FHIT: variants seen among roughly 807,000 people sequenced by gnomAD.
The protein encoded by FHIT is bis(5'-adenosyl)-triphosphatase.
Under a neutral mutation model 17.9 loss-of-function variants are expected in FHIT, and 19 were observed. The ratio of observed to expected loss-of-function variants is 1.06; its 90% confidence interval spans 0.74 to 1.56. The LOEUF is 1.56. Ranked by LOEUF, FHIT falls within the 40% of genes most tolerant of loss-of-function variation. FHIT has a pLI of 0.00. For synonymous variants in FHIT, 81 were observed against 69.7 expected, an observed-to-expected ratio of 1.16 and a Z score of -0.81; for missense variants, 248 against 189.2, an observed-to-expected ratio of 1.31 and a Z score of -1.82.
intron 4 of FHIT, among the ~76,000 whole-genome samples, chr3:60,565,539 C>T (rs190106910): frequency 2.6e-5 from 4 of 151,846 alleles, no homozygotes; most frequent in Admixed American, 2.6e-4. Context: ...ATTTCATTTA[C>T]AAAAAAGGGA....
At chr3:60,607,502 T>A (rs2038644867) in intron 4 of FHIT, among the ~76,000 whole-genome samples, 1 of 151,900 alleles carries the variant, frequency 6.6e-6, no homozygotes, top group African/African-American at 2.4e-5. Flanking sequence ...TAATTGGTGG[T>A]TATTTTCAGA....
chr3:60,605,142 T>G (rs1194287006), intron 4 of FHIT, among the ~76,000 whole-genome samples: 1 of 152,128 alleles, frequency 6.6e-6, no homozygotes, highest in Non-Finnish European at 1.5e-5. Flanking sequence ...GCAGTTGATT[T>G]TCCCCAATAC....
intron 4 of FHIT, among the ~76,000 whole-genome samples, chr3:60,587,249 G>T (rs1228205561): frequency 2.0e-5 from 3 of 152,038 alleles, no homozygotes; most frequent in African/African-American, 7.2e-5. Context: ...ACTAACACAG[G>T]AACAGAAAAC....
intron 5 of FHIT, among the ~76,000 whole-genome samples, chr3:60,353,080 T>G (rs1008013804): frequency 6.6e-6 from 1 of 152,190 alleles, no homozygotes; most frequent in African/African-American, 2.4e-5. Context: ...CAAGATAAAT[T>G]TGAAATCATT....
intron 4 of FHIT, among the ~76,000 whole-genome samples, chr3:60,762,906 T>G (rs782424840): frequency 2.0e-5 from 3 of 152,200 alleles, no homozygotes; most frequent in Non-Finnish European, 4.4e-5. Flanking sequence ...GATTTTGGAC[T>G]GAGATCTCAG....
rs1309696939 is a variant in FHIT, at chr3:60,861,264, C to CAT, written c.-110-39255_-110-39254dup. 6.6e-4 allele frequency among the ~76,000 whole-genome samples: 14 copies of CAT among 21,346 alleles called. 1 individual carries two copies. The highest frequency in any genetic ancestry group is 3.4e-3 in the African/African-American group (14 of 4,062). The allele number at this position is 21,346 out of a possible 152,430, so 14.0% of individuals were successfully genotyped here. ...ATCATATATGATACATATGATATAT[C>CAT]ATATCATATATCTTTCTTTTTTTTT... On this transcript the variant is annotated intron_variant, in intron 3 of 9. Transcript: ENST00000492590.
chr3:59,994,963 T>C (rs937777893), intron 7 of FHIT, among the ~76,000 whole-genome samples: 1 of 151,960 alleles, frequency 6.6e-6, no homozygotes, highest in Non-Finnish European at 1.5e-5. Flanking sequence ...TGTGGGTCAG[T>C]ATAAGAAGGT....
At chr3:60,577,876 T>C (rs1172490898) in intron 4 of FHIT, among the ~76,000 whole-genome samples, 1 of 152,146 alleles carries the variant, frequency 6.6e-6, no homozygotes. Flanking sequence ...TAATATTAGC[T>C]AACAATAATT....
intron 2 of FHIT, among the ~76,000 whole-genome samples, chr3:61,111,174 A>G (rs1280541111): frequency 1.3e-5 from 2 of 152,206 alleles, no homozygotes; most frequent in Non-Finnish European, 2.9e-5. Context: ...TCTTGAGCAT[A>G]TCATTTACCC....
At chr3:59,835,100 TC>T (rs1470254264) in intron 8 of FHIT, among the ~76,000 whole-genome samples, 1 of 152,122 alleles carries the variant, frequency 6.6e-6, no homozygotes, top group African/African-American at 2.4e-5. Flanking sequence ...AGACAATCTT[TC>T]CCTAAGAGTT....
chr3:59,759,493 C>T (rs1701393662), intron 8 of FHIT, among the ~76,000 whole-genome samples: 1 of 152,132 alleles, frequency 6.6e-6, no homozygotes, highest in Non-Finnish European at 1.5e-5. Flanking sequence ...CAGCTTTCTC[C>T]CTGGTGCTTG....
At chr3:60,414,334 C>T (rs1399705022) in intron 5 of FHIT, among the ~76,000 whole-genome samples, 3 of 152,152 alleles carry the variant, frequency 2.0e-5, no homozygotes, top group Non-Finnish European at 4.4e-5. Context: ...AATTACCGGA[C>T]TAGAGCATAG....
At chr3:60,903,143 T>C (rs1285018158) in intron 3 of FHIT, among the ~76,000 whole-genome samples, 1 of 152,194 alleles carries the variant, frequency 6.6e-6, no homozygotes, top group African/African-American at 2.4e-5. Flanking sequence ...AAATGTATGA[T>C]TATTATACAC....
chr3:59,944,018 T>C (rs74471165), intron 7 of FHIT, among the ~76,000 whole-genome samples: 3,396 of 152,288 alleles, frequency 0.022, 138 homozygotes, highest in African/African-American at 0.077. Context: ...AATAAAGTCC[T>C]AGGACTCAGT....
chr3:60,927,510 C>T (rs1374091948), intron 3 of FHIT, among the ~76,000 whole-genome samples: 1 of 152,138 alleles, frequency 6.6e-6, no homozygotes, highest in Non-Finnish European at 1.5e-5. Flanking sequence ...AGCACCTCTT[C>T]CTGGCCTTCA....
chr3:60,186,191 G>T (rs1190052806), intron 5 of FHIT, among the ~76,000 whole-genome samples: 1 of 151,810 alleles, frequency 6.6e-6, no homozygotes, highest in African/African-American at 2.4e-5. Context: ...TTTTGGTGGT[G>T]TATATACCTA....
intron 4 of FHIT, among the ~76,000 whole-genome samples, chr3:60,554,416 A>G (rs2036674832): frequency 6.6e-6 from 1 of 152,222 alleles, no homozygotes. Context: ...AATTTCTACT[A>G]TATTATAGTC....
At chr3:60,485,900 T>C (rs1026341773) in intron 5 of FHIT, among the ~76,000 whole-genome samples, 1 of 151,970 alleles carries the variant, frequency 6.6e-6, no homozygotes, top group Admixed American at 6.6e-5. Context: ...TAATTACTAA[T>C]TACTAATTGC....
At chr3:60,638,056 C>G (rs1017670790) in intron 4 of FHIT, among the ~76,000 whole-genome samples, 1 of 152,136 alleles carries the variant, frequency 6.6e-6, no homozygotes, top group Non-Finnish European at 1.5e-5. Flanking sequence ...TGAAATAGAT[C>G]AAATACACAA....
Sources: allele counts gnomAD v4.1 joint callset (sites outside exome capture counted in the v4.1 genomes callset), GRCh38; gene constraint gnomAD v4.1.1; transcripts MANE v1.5; gene names NCBI Gene and HGNC (gene_info 2026-07-23, HGNC 2026-07-21).